The following EZH2 variants were observed in gnomAD, a reference collection of about 807,000 sequenced individuals.
EZH2 encodes enhancer of zeste 2 polycomb repressive complex 2 subunit, also known as histone-lysine N-methyltransferase EZH2.
Under a neutral mutation model 98.4 loss-of-function variants are expected in EZH2, and 18 were observed. The observed-to-expected ratio is 0.18, with a 90% CI of 0.13 to 0.27. EZH2 has a LOEUF of 0.27. EZH2 is among the 10% of genes least tolerant of loss of function. The probability of loss-of-function intolerance (pLI) is 1.00; values close to 1 mark genes in which losing one functional copy is unlikely to be tolerated. For synonymous variants in EZH2, 338 were observed against 312.3 expected, an observed-to-expected ratio of 1.08 and a Z score of -0.87; for missense variants, 470 against 935.1, an observed-to-expected ratio of 0.50 and a Z score of 6.49.
chr7:148,812,080 A>G (rs1803239952), intron 15 of EZH2, among the ~76,000 whole-genome samples: 1 of 152,196 alleles, frequency 6.6e-6, no homozygotes, highest in Non-Finnish European at 1.5e-5. Flanking sequence ...TGAATTTAAT[A>G]TAAGGACACC....
intron 1 of EZH2, among the ~76,000 whole-genome samples, chr7:148,880,897 T>C (rs1378978621): frequency 1.3e-5 from 2 of 152,160 alleles, no homozygotes; most frequent in Non-Finnish European, 2.9e-5. Context: ...GAGGGATGCA[T>C]AAACAAGTGA....
intron 1 of EZH2, among the ~76,000 whole-genome samples, chr7:148,881,972 GCACACACACACACACA>G (rs3059438): frequency 2.3e-5 from 3 of 131,780 alleles, no homozygotes; most frequent in African/African-American, 8.8e-5. Flanking sequence ...ACACGCGCGC[GCACACACACACACACA>G]CACACACACA....
chr7:148,882,100 A>G (rs1221626218), intron 1 of EZH2, among the ~76,000 whole-genome samples: 1 of 152,180 alleles, frequency 6.6e-6, no homozygotes, highest in Non-Finnish European at 1.5e-5. Context: ...ATACAGAATT[A>G]ATAGTAACTA....
chr7:148,815,449 A>G, intron 13 of EZH2, 57 bp downstream of exon 13: 3 of 1,536,136 alleles, frequency 2.0e-6, no homozygotes, highest in Non-Finnish European at 9.0e-7. Context: ...TCTAAAACAA[A>G]TGAAAACAAA....
At chr7:148,810,896 C>CAAAAAAAAAAAAAAAAAAA (rs924758768) in intron 16 of EZH2, among the ~76,000 whole-genome samples, 2 of 43,674 alleles carry the variant, frequency 4.6e-5, no homozygotes, top group African/African-American at 1.7e-4. Context: ...AACTCTGTCT[C>CAAAAAAAAAAAAAAAAAAA]AAAAAAAAAA....
intron 1 of EZH2, among the ~76,000 whole-genome samples, chr7:148,881,965 C>T: frequency 2.0e-5 from 1 of 49,522 alleles, no homozygotes; most frequent in African/African-American, 1.4e-4. Context: ...CACACACACA[C>T]GCGCGCGCAC....
chr7:148,847,508 A>G (rs1814461416), intron 1 of EZH2, among the ~76,000 whole-genome samples: 1 of 152,234 alleles, frequency 6.6e-6, no homozygotes, highest in Non-Finnish European at 1.5e-5. Flanking sequence ...CTTAAAATAC[A>G]CTTTTATTTA....
intron 1 of EZH2, among the ~76,000 whole-genome samples, chr7:148,883,706 A>G (rs1674982405): frequency 1.3e-5 from 2 of 151,288 alleles, no homozygotes; most frequent in South Asian, 4.2e-4. Context: ...CCTTTGTCTG[A>G]GTGCGGACTC....
At chr7:148,872,305 T>C (rs1327212676) in intron 1 of EZH2, among the ~76,000 whole-genome samples, 1 of 151,966 alleles carries the variant, frequency 6.6e-6, no homozygotes. Context: ...AAACAGAAAG[T>C]AGAAAGGTGG....
intron 3 of EZH2, among the ~76,000 whole-genome samples, chr7:148,836,370 A>C (rs1810934127): frequency 6.6e-6 from 1 of 152,226 alleles, no homozygotes; most frequent in Non-Finnish European, 1.5e-5. Context: ...TTCATTTATG[A>C]AATATTCAAA....
At chr7:148,823,977 C>G (rs1279008333) in intron 8 of EZH2, among the ~76,000 whole-genome samples, 1 of 152,036 alleles carries the variant, frequency 6.6e-6, no homozygotes. Context: ...CTACCGTATC[C>G]CCAAGATAAG....
chr7:148,866,509 C>CGT (rs1170462552), intron 1 of EZH2, among the ~76,000 whole-genome samples: 6 of 96,230 alleles, frequency 6.2e-5, no homozygotes, highest in African/African-American at 2.5e-4. Context: ...TACGTATATA[C>CGT]ATATATATGT....
rs139070712 is a variant in EZH2 at position 148,859,279 on chromosome 7, G to C, written c.-7-11974C>G. Among the ~76,000 whole-genome samples, 1,104 of 152,274 alleles carry C rather than the reference G, an allele frequency of 7.3e-3. 18 individuals are homozygous for C. The highest frequency in any genetic ancestry group is 0.025 in the African/African-American group (1,055 of 41,542). On this transcript the variant is annotated intron_variant, in intron 1 of 19. Transcript: ENST00000320356. ...CCAGCACTTTGGGAGGCTGAAGCAG[G>C]TGGATGACCTGAGGCCAGGAGTTCA... is the stretch of plus-strand genomic sequence containing the variant.
intron 3 of EZH2, among the ~76,000 whole-genome samples, chr7:148,840,253 T>C (rs1015581142): frequency 4.6e-5 from 7 of 152,252 alleles, no homozygotes; most frequent in Admixed American, 2.0e-4. Context: ...ACAGCACTGA[T>C]TGCAAAAGTA....
At position 148,883,891 on chromosome 7, in the gene EZH2, C is replaced by T. The variant is rs542985030; in HGVS notation, c.-8+273G>A. On this transcript the variant is annotated intron_variant, in intron 1 of 19. Coordinates refer to ENST00000320356, the MANE Select transcript of EZH2 (RefSeq NM_004456.5). ...GACAAGCACCGGGAAAGGAGCCCCC[C>T]ACACGCCCCCCGCCCCGCAGCTCCA... 3.0e-3 allele frequency among the ~76,000 whole-genome samples: 459 copies of T among 151,940 alleles called. 7 individuals are homozygous for T. The highest frequency in any genetic ancestry group is 0.017 in the East Asian group (85 of 5,126).
rs906653268 is a variant in EZH2 at position 148,815,494 on chromosome 7, A to C, written c.1546+12T>G. On this transcript the variant is annotated intron_variant, in intron 13 of 19. Coordinates refer to ENST00000320356, the MANE Select transcript of EZH2 (RefSeq NM_004456.5). ...GTTAAGCTAATAATGAGAGGAATGG[A>C]AAGATGCTAACCCTTTTTCAGCTGT... 1.2e-6 allele frequency: 2 copies of C among 1,612,310 alleles called. No homozygotes were observed. Among genetic ancestry groups the C allele is most frequent in the East Asian group, 2.2e-5 (1 of 44,900 alleles).
At chr7:148,850,390 T>C in intron 1 of EZH2, 1 of 577,326 alleles carries the variant, frequency 1.7e-6, no homozygotes, top group Non-Finnish European at 2.2e-6. Context: ...GTTTTAGTAC[T>C]AGAACTGTCC....
intron 1 of EZH2, among the ~76,000 whole-genome samples, chr7:148,871,624 AG>A (rs1245064743): frequency 6.9e-6 from 1 of 144,594 alleles, no homozygotes; most frequent in East Asian, 2.0e-4. Flanking sequence ...CCCTGGCTGG[AG>A]TGCAATGGCA....
At chr7:148,854,263 C>T (rs983549356) in intron 1 of EZH2, among the ~76,000 whole-genome samples, 5 of 150,306 alleles carry the variant, frequency 3.3e-5, no homozygotes, top group East Asian at 3.9e-4. Context: ...AGTGAAACCC[C>T]GTCTCTACTA....
Sources: allele counts gnomAD v4.1 joint callset (sites outside exome capture counted in the v4.1 genomes callset), GRCh38; gene constraint gnomAD v4.1.1; transcripts MANE v1.5; gene names NCBI Gene and HGNC (gene_info 2026-07-23, HGNC 2026-07-21).